Variants in ANK3 observed in about 807,000 individuals in gnomAD.
ANK3 encodes the protein ankyrin 3.
Under a neutral mutation model 370.9 loss-of-function variants are expected in ANK3, and 57 were observed. The ratio of observed to expected loss-of-function variants is 0.15; its 90% confidence interval spans 0.12 to 0.19. The LOEUF is 0.19. ANK3 is among the 10% of genes least tolerant of loss of function. The pLI, the probability that ANK3 is intolerant of heterozygous loss-of-function variation, is 1.00. For synonymous variants in ANK3, 1,929 were observed against 1,946.3 expected (o/e 0.99, Z 0.23); for missense variants, 4,439 against 5,302.1 (o/e 0.84, Z 5.06).
intron 9 of ANK3, among the ~76,000 whole-genome samples, chr10:60,208,888 A>G (rs2096804281): frequency 6.6e-6 from 1 of 152,230 alleles, no homozygotes; most frequent in Non-Finnish European, 1.5e-5. Flanking sequence ...GTCTATGATG[A>G]GGAAAGGCAA....
intron 7 of ANK3, among the ~76,000 whole-genome samples, chr10:60,243,792 C>A (rs986577489): frequency 1.3e-5 from 2 of 152,080 alleles, no homozygotes; most frequent in African/African-American, 2.4e-5. Context: ...AAAGACATGG[C>A]GATCTAAAGT....
intron 1 of ANK3, among the ~76,000 whole-genome samples, chr10:60,309,403 A>G (rs2045871405): frequency 6.6e-6 from 1 of 152,218 alleles, no homozygotes; most frequent in South Asian, 2.1e-4. Flanking sequence ...GCTCCACTGA[A>G]TGATAATATT....
At chr10:60,234,400 G>A (rs1294471687) in intron 8 of ANK3, among the ~76,000 whole-genome samples, 1 of 152,132 alleles carries the variant, frequency 6.6e-6, no homozygotes, top group East Asian at 1.9e-4. Flanking sequence ...TGCAGTTTTA[G>A]TATCAAACTG....
intron 2 of ANK3, among the ~76,000 whole-genome samples, chr10:60,461,231 T>G (rs2064875996): frequency 6.6e-6 from 1 of 152,128 alleles, no homozygotes; most frequent in African/African-American, 2.4e-5. Flanking sequence ...CAGTATTAGA[T>G]CTGAAGAGAA....
intron 1 of ANK3, among the ~76,000 whole-genome samples, chr10:60,339,770 G>A (rs983543476): frequency 2.0e-5 from 3 of 152,114 alleles, no homozygotes; most frequent in Non-Finnish European, 2.9e-5. Flanking sequence ...TAGAAGTGGA[G>A]GTAAAAATAC....
intron 1 of ANK3, among the ~76,000 whole-genome samples, chr10:60,652,103 T>C (rs1354788306): frequency 6.6e-6 from 1 of 152,154 alleles, no homozygotes; most frequent in East Asian, 1.9e-4. Context: ...ATGCCTGTAA[T>C]CCTAGCACTT....
chr10:60,713,897 AC>A (rs2079745413), intron 1 of ANK3, among the ~76,000 whole-genome samples: 1 of 152,040 alleles, frequency 6.6e-6, no homozygotes, highest in East Asian at 1.9e-4. Context: ...AAAAATTACA[AC>A]AGAAACCAAT....
intron 23 of ANK3, chr10:60,140,195 G>C: frequency 1.3e-6 from 1 of 780,798 alleles, no homozygotes; most frequent in Non-Finnish European, 2.1e-6. Flanking sequence ...GTCAACTACT[G>C]TTTTTGCAAA....
intron 2 of ANK3, among the ~76,000 whole-genome samples, chr10:60,468,656 T>C (rs2065066675): frequency 6.6e-6 from 1 of 152,000 alleles, no homozygotes; most frequent in Non-Finnish European, 1.5e-5. Flanking sequence ...TGTCATTTAC[T>C]AGATGGGTGA....
chr10:60,456,084 G>A (rs2064739845), intron 2 of ANK3, among the ~76,000 whole-genome samples: 1 of 152,172 alleles, frequency 6.6e-6, no homozygotes, highest in African/African-American at 2.4e-5. Flanking sequence ...AGAATTTGGA[G>A]GTCCACCTAT....
At chr10:60,492,082 C>T (rs961160120) in intron 2 of ANK3, among the ~76,000 whole-genome samples, 1 of 152,108 alleles carries the variant, frequency 6.6e-6, no homozygotes, top group South Asian at 2.1e-4. Flanking sequence ...TTACACTATT[C>T]AGTACAGTAA....
chr10:60,516,516 T>C lies in ANK3; in HGVS notation c.96+98670A>G, dbSNP rs565700422. 3.5e-4 allele frequency among the ~76,000 whole-genome samples: 54 copies of C among 152,272 alleles called. No individual in the cohort carries two copies. The South Asian group carries it at 0.011, about 30-fold the overall frequency. ...CTACTTTAATTAGCCAAGTGTCTAA[T>C]ATTTTGAAAGACTGTAGCAACTTAC... On this transcript the variant is annotated intron_variant, in intron 2 of 43. Transcript: ENST00000373827.
chr10:60,310,431 TACTC>T (rs879368747), intron 1 of ANK3, among the ~76,000 whole-genome samples: 14 of 152,312 alleles, frequency 9.2e-5, no homozygotes, highest in Middle Eastern at 3.4e-3. Flanking sequence ...AATAAACAAA[TACTC>T]ACACGCATTT....
chr10:60,629,515 G>A (rs949829793), intron 1 of ANK3, among the ~76,000 whole-genome samples: 101 of 152,104 alleles, frequency 6.6e-4, no homozygotes, highest in African/African-American at 2.2e-3. Flanking sequence ...GCGGATTGTT[G>A]CCATAGTAAC....
chr10:60,229,860 C>CTTAGCAT (rs1222495139), intron 8 of ANK3, among the ~76,000 whole-genome samples: 2 of 152,176 alleles, frequency 1.3e-5, no homozygotes, highest in Non-Finnish European at 2.9e-5. Flanking sequence ...GTGTGGCAGA[C>CTTAGCAT]ACTAAGATGA....
intron 1 of ANK3, among the ~76,000 whole-genome samples, chr10:60,293,153 C>A (rs1323918880): frequency 2.0e-5 from 3 of 152,184 alleles, no homozygotes; most frequent in African/African-American, 7.2e-5. Context: ...CCTAGGAAAT[C>A]CTTGATGCAT....
intron 24 of ANK3, chr10:60,138,427 CTTCTT>C: frequency 2.9e-6 from 1 of 349,964 alleles, no homozygotes; most frequent in African/African-American, 2.1e-5. Flanking sequence ...CACTGTTATA[CTTCTT>C]ACATGTCCCT....
At chr10:60,684,629 T>A in intron 1 of ANK3, 1 of 1,590,046 alleles carries the variant, frequency 6.3e-7, no homozygotes, top group East Asian at 2.3e-5. Context: ...AGGCTGCAGT[T>A]CAATGAATTT....
At position 60,568,517 on chromosome 10, in the gene ANK3, G is replaced by T. The variant is rs562521630; in HGVS notation, c.96+46669C>A. 1.2e-3 allele frequency among the ~76,000 whole-genome samples: 176 copies of T among 152,326 alleles called. 2 individuals are homozygous for T. Among genetic ancestry groups the T allele is most frequent in the African/African-American group, 3.9e-3 (162 of 41,582 alleles). On this transcript the variant is annotated intron_variant, in intron 2 of 43. Coordinates refer to the ANK3 transcript ENST00000373827. Reference sequence around the variant, plus strand: ...GCTTAGTTGTGATATCCACTTTACTGCAGTGGTCTGGAACCAAGCCTACCA... The same window carrying T: ...GCTTAGTTGTGATATCCACTTTACTTCAGTGGTCTGGAACCAAGCCTACCA...
Sources: allele counts gnomAD v4.1 joint callset (sites outside exome capture counted in the v4.1 genomes callset), GRCh38; gene constraint gnomAD v4.1.1; transcripts MANE v1.5; gene names NCBI Gene and HGNC (gene_info 2026-07-23, HGNC 2026-07-21).